The following TMED3 variants were observed in gnomAD, a reference collection of about 807,000 sequenced individuals.
TMED3 encodes the protein transmembrane p24 trafficking protein 3, also known as transmembrane emp24 domain-containing protein 3.
In TMED3, 9 loss-of-function variants were observed where a neutral mutation model predicts 15.0. The observed-to-expected ratio is 0.60, with a 90% CI of 0.36 to 1.04. TMED3 has a LOEUF of 1.04. Ranked by LOEUF, TMED3 falls within the 50% of genes least tolerant of loss-of-function variation. The pLI, the probability that TMED3 is intolerant of heterozygous loss-of-function variation, is 0.01. For missense variants in TMED3, 267 were observed against 278.9 expected, an observed-to-expected ratio of 0.96 and a Z score of 0.30; for synonymous variants, 117 against 121.4, an observed-to-expected ratio of 0.96 and a Z score of 0.24.
intron 2 of TMED3, among the ~76,000 whole-genome samples, chr15:79,318,574 C>T (rs1424103060): frequency 6.6e-6 from 1 of 152,190 alleles, no homozygotes; most frequent in East Asian, 1.9e-4. Flanking sequence ...CCAAGTCTGC[C>T]TGTATAGGTA....
exon 3 of TMED3, chr15:79,412,807 C>A (rs1894007296): frequency 1.3e-5 from 2 of 152,384 alleles, no homozygotes. Context: ...TGGCTGGCAC[C>A]ACCCATTGGA....
chr15:79,317,984 G>C (rs1281754611), intron 2 of TMED3, among the ~76,000 whole-genome samples: 1 of 152,164 alleles, frequency 6.6e-6, no homozygotes, highest in Non-Finnish European at 1.5e-5. Flanking sequence ...CTTGGACCTC[G>C]AGGCCCTTTA....
At chr15:79,326,294 A>G (rs981817030), downstream of TMED3, among the ~76,000 whole-genome samples, 2 of 152,232 alleles carry the variant, frequency 1.3e-5, no homozygotes, top group Non-Finnish European at 2.9e-5. Flanking sequence ...GAGGAAACTT[A>G]GAATCAAATA....
At position 79,405,878 on chromosome 15, in the gene TMED3, T is replaced by C. The variant is rs183414127; in HGVS notation, c.418-5522T>C. 4.6e-5 allele frequency among the ~76,000 whole-genome samples: 7 copies of C among 152,318 alleles called. No individual in the cohort carries two copies. In the East Asian group the frequency reaches 1.3e-3, roughly 29 times the overall value. On this transcript the variant is annotated intron_variant, in intron 2 of 2. Transcript: ENST00000424155. ...AGGCAGTCGATGTGTACTCCTGTCC[T>C]TCCCACAGAAAGGTGAGCTGCTTTT...
intron 2 of TMED3, among the ~76,000 whole-genome samples, chr15:79,349,648 G>T (rs1352679577): frequency 6.6e-6 from 1 of 152,190 alleles, no homozygotes; most frequent in African/African-American, 2.4e-5. Context: ...AAAAGGACAT[G>T]CATGTATCAC....
At chr15:79,402,487 TG>T (rs376897460) in intron 2 of TMED3, among the ~76,000 whole-genome samples, 1,894 of 152,188 alleles carry the variant, frequency 0.012, 14 homozygotes, top group Non-Finnish European at 0.019. Flanking sequence ...GGGTAAAAGG[TG>T]GGCCAAGGAG....
At chr15:79,409,588 T>A (rs117436053) in intron 2 of TMED3, among the ~76,000 whole-genome samples, 1 of 152,370 alleles carries the variant, frequency 6.6e-6, no homozygotes, top group East Asian at 1.9e-4. Context: ...GTCGTTGGAA[T>A]AGATTTCTTA....
chr15:79,377,889 G>A (rs775257690), intron 2 of TMED3, among the ~76,000 whole-genome samples: 4 of 152,094 alleles, frequency 2.6e-5, no homozygotes, highest in Non-Finnish European at 4.4e-5. Flanking sequence ...CTCATGATCC[G>A]CCCGCCTTGG....
rs2058772855 is a variant in TMED3 at position 79,322,611 on chromosome 15, A to G, written c.*397A>G. The stretch of plus-strand genomic sequence containing the variant: ...ATTTGTCTTGGGTGTCCTATCCCAT[A>G]TGGAGAAGAAAGGGGCTCTAAGTTC... On this transcript the variant is annotated 3_prime_UTR_variant, in exon 3 of 3. Transcript: ENST00000299705. 2.2e-5 allele frequency: 22 copies of G among 1,002,722 alleles called. No individual in the cohort carries two copies. The highest frequency in any genetic ancestry group is 3.5e-5 in the African/African-American group (2 of 57,858). 62.1% of individuals were successfully genotyped at this position (1,002,722 alleles called of 1,614,324 possible). A position where few individuals can be genotyped will look rare whatever the true frequency, so the allele number is the denominator to read the frequency against.
intron 2 of TMED3, among the ~76,000 whole-genome samples, chr15:79,375,275 A>G (rs1893404853): frequency 6.6e-6 from 1 of 151,728 alleles, no homozygotes. Context: ...ACAATGTCCC[A>G]CCTCTGCTTG....
chr15:79,398,357 G>T (rs1002872295), intron 2 of TMED3, among the ~76,000 whole-genome samples: 1 of 152,056 alleles, frequency 6.6e-6, no homozygotes, highest in Admixed American at 6.5e-5. Context: ...CCAGGCAGTG[G>T]CATAATCATA....
intron 2 of TMED3, among the ~76,000 whole-genome samples, chr15:79,386,774 C>T (rs1177674195): frequency 2.7e-5 from 4 of 146,946 alleles, no homozygotes; most frequent in African/African-American, 1.0e-4. Flanking sequence ...GTCTTGATCT[C>T]CTGACCTCAT....
At chr15:79,392,419 C>G (rs1893708658) in intron 2 of TMED3, among the ~76,000 whole-genome samples, 2 of 152,090 alleles carry the variant, frequency 1.3e-5, no homozygotes, top group African/African-American at 4.8e-5. Context: ...TTTCAAGAGG[C>G]TGAGGATAGG....
intron 1 of TMED3, among the ~76,000 whole-genome samples, chr15:79,312,346 G>A (rs1229337011): frequency 2.0e-5 from 3 of 152,212 alleles, no homozygotes; most frequent in Admixed American, 6.5e-5. Context: ...TGGACAACAT[G>A]CAAATTGTGA....
At chr15:79,317,431 C>T (rs570233996) in intron 2 of TMED3, among the ~76,000 whole-genome samples, 35 of 152,304 alleles carry the variant, frequency 2.3e-4, no homozygotes, top group Non-Finnish European at 4.1e-4. Flanking sequence ...CCAGGGCCTA[C>T]GGTCCAAGGA....
At chr15:79,364,792 T>G (rs115552394) in intron 2 of TMED3, among the ~76,000 whole-genome samples, 1,555 of 151,498 alleles carry the variant, frequency 0.01, 31 homozygotes, top group African/African-American at 0.035. Context: ...CACTGCATCC[T>G]CCCAGCTCCC....
intron 2 of TMED3, among the ~76,000 whole-genome samples, chr15:79,365,134 G>A (rs1346275537): frequency 6.6e-6 from 1 of 152,242 alleles, no homozygotes; most frequent in Admixed American, 6.5e-5. Flanking sequence ...TGAATGTCCT[G>A]AGAGGGGGAT....
intron 2 of TMED3, among the ~76,000 whole-genome samples, chr15:79,342,884 G>T (rs748236793): frequency 1.1e-4 from 17 of 152,190 alleles, no homozygotes; most frequent in Non-Finnish European, 1.9e-4. Context: ...AGTAGTAAAT[G>T]TATGTAATAT....
At position 79,382,976 on chromosome 15, in the gene TMED3, T is replaced by C. The variant is rs1360139886; in HGVS notation, c.418-28424T>C. On this transcript the variant is annotated intron_variant, in intron 2 of 2. Coordinates refer to the TMED3 transcript ENST00000424155. ...TTTATTTCTTTTCCAAGGGTCCCAG[T>C]GCTTCACCAACACCAACGCCACCAC... The C allele has an allele frequency of 2.6e-6, 4 of 1,535,388 alleles. No individual in the cohort carries two copies. In the African/African-American group the frequency reaches 5.5e-5, roughly 21 times the overall value.
Sources: allele counts gnomAD v4.1 joint callset (sites outside exome capture counted in the v4.1 genomes callset), GRCh38; gene constraint gnomAD v4.1.1; transcripts MANE v1.5; gene names NCBI Gene and HGNC (gene_info 2026-07-23, HGNC 2026-07-21).